RCAN2: variants seen among roughly 807,000 people sequenced by gnomAD.
RCAN2 encodes the protein regulator of calcineurin 2.
In RCAN2, 9 loss-of-function variants were observed where a neutral mutation model predicts 23.6. That is an observed-to-expected ratio of 0.38 (90% CI 0.23 to 0.67). RCAN2 has a LOEUF of 0.67. Ranked by LOEUF, RCAN2 falls within the 30% of genes least tolerant of loss-of-function variation. RCAN2 has a pLI of 0.51. For missense variants in RCAN2, 273 were observed against 302.3 expected, an observed-to-expected ratio of 0.90 and a Z score of 0.72; for synonymous variants, 109 against 115.7, an observed-to-expected ratio of 0.94 and a Z score of 0.37.
chr6:46,339,396 G>T lies in RCAN2; in HGVS notation c.226-90500C>A, dbSNP rs545834535. Among the ~76,000 whole-genome samples, 3 of 152,050 alleles carry T rather than the reference G, an allele frequency of 2.0e-5. No individual in the cohort carries two copies. The South Asian group carries it at 6.2e-4, about 32-fold the overall frequency. On this transcript the variant is annotated intron_variant, in intron 2 of 4. Transcript: ENST00000371374. The stretch of plus-strand genomic sequence containing the variant: ...TTCGCTGGATTTTGAGAGGTAAGTG[G>T]TTTTTTAGTTTTCTAAATGGGCAGC...
intron 2 of RCAN2, among the ~76,000 whole-genome samples, chr6:46,393,672 T>C (rs6458501): frequency 0.5 from 75,967 of 151,940 alleles, 19,667 homozygotes; most frequent in East Asian, 0.61. Flanking sequence ...CTGCTCCTGT[T>C]TCATTTGTTT....
chr6:46,402,087 A>G (rs1766262981), intron 2 of RCAN2, among the ~76,000 whole-genome samples: 1 of 152,236 alleles, frequency 6.6e-6, no homozygotes, highest in Admixed American at 6.5e-5. Flanking sequence ...TGGGAAAATG[A>G]GTAATGTTTC....
chr6:46,415,967 A>G (rs1766704052), intron 2 of RCAN2, among the ~76,000 whole-genome samples: 1 of 152,226 alleles, frequency 6.6e-6, no homozygotes, highest in Non-Finnish European at 1.5e-5. Flanking sequence ...TAGATTACTT[A>G]TAATACTTAG....
chr6:46,421,365 G>A (rs557094767), intron 2 of RCAN2, among the ~76,000 whole-genome samples: 45 of 152,264 alleles, frequency 3.0e-4, no homozygotes, highest in African/African-American at 1.1e-3. Flanking sequence ...ATGACTTTGT[G>A]GCTGACAGCA....
chr6:46,414,136 G>A (rs1395300402), intron 2 of RCAN2, among the ~76,000 whole-genome samples: 1 of 152,086 alleles, frequency 6.6e-6, no homozygotes, highest in East Asian at 1.9e-4. Flanking sequence ...AGGAGACTGA[G>A]GTTCTGTAAA....
At chr6:46,384,710 A>G (rs140722285) in intron 2 of RCAN2, among the ~76,000 whole-genome samples, 153 of 152,364 alleles carry the variant, frequency 1.0e-3, no homozygotes, top group African/African-American at 3.5e-3. Flanking sequence ...AAGAAATGCT[A>G]AAACAGGTCA....
At chr6:46,433,320 A>G (rs1767271487) in intron 2 of RCAN2, among the ~76,000 whole-genome samples, 1 of 152,200 alleles carries the variant, frequency 6.6e-6, no homozygotes, top group African/African-American at 2.4e-5. Flanking sequence ...ACAGAATAAT[A>G]CAATTCACCC....
chr6:46,443,441 C>A (rs1000186953), intron 2 of RCAN2, among the ~76,000 whole-genome samples: 3 of 151,928 alleles, frequency 2.0e-5, no homozygotes, highest in Non-Finnish European at 4.4e-5. Flanking sequence ...TTTATTGTTA[C>A]CTTTTAAAAA....
chr6:46,445,695 A>G (rs1472547483), intron 2 of RCAN2, among the ~76,000 whole-genome samples: 4 of 152,248 alleles, frequency 2.6e-5, no homozygotes, highest in Non-Finnish European at 5.9e-5. Flanking sequence ...TAACAAAATT[A>G]AAGAACAATA....
intron 2 of RCAN2, among the ~76,000 whole-genome samples, chr6:46,272,728 T>A (rs1056969160): frequency 1.3e-5 from 2 of 152,238 alleles, no homozygotes; most frequent in African/African-American, 4.8e-5. Flanking sequence ...AAACAAATGT[T>A]AAAAATAGGA....
intron 2 of RCAN2, among the ~76,000 whole-genome samples, chr6:46,412,007 T>C (rs1766564379): frequency 6.6e-6 from 1 of 152,188 alleles, no homozygotes. Flanking sequence ...GTGAAGAGCC[T>C]GGATTGTAGG....
At chr6:46,450,007 A>C (rs573378772) in intron 2 of RCAN2, among the ~76,000 whole-genome samples, 25 of 152,060 alleles carry the variant, frequency 1.6e-4, no homozygotes, top group African/African-American at 6.0e-4. Context: ...TAAAGGAAAC[A>C]ATCAATGGAG....
chr6:46,262,667 G>C (rs1448095776), intron 2 of RCAN2, among the ~76,000 whole-genome samples: 3 of 151,968 alleles, frequency 2.0e-5, no homozygotes, highest in Non-Finnish European at 4.4e-5. Context: ...TTCTTTAGTG[G>C]CTCCCCACAG....
At chr6:46,265,733 A>G (rs901332349) in intron 2 of RCAN2, among the ~76,000 whole-genome samples, 16 of 152,150 alleles carry the variant, frequency 1.1e-4, no homozygotes, top group African/African-American at 3.6e-4. Context: ...TCATTCCATA[A>G]ATGTGCTTTC....
chr6:46,393,702 T>C (rs967472085), intron 2 of RCAN2, among the ~76,000 whole-genome samples: 1 of 152,142 alleles, frequency 6.6e-6, no homozygotes, highest in Non-Finnish European at 1.5e-5. Flanking sequence ...CCTACTTCTG[T>C]TGCCTGCCTT....
At chr6:46,422,162 G>A (rs1005600997) in intron 2 of RCAN2, among the ~76,000 whole-genome samples, 5 of 152,080 alleles carry the variant, frequency 3.3e-5, no homozygotes, top group African/African-American at 1.2e-4. Context: ...CTGGGTGGTG[G>A]GGATGAGTGA....
At chr6:46,258,874 C>T (rs1335818204) in intron 2 of RCAN2, among the ~76,000 whole-genome samples, 4 of 152,166 alleles carry the variant, frequency 2.6e-5, no homozygotes, top group African/African-American at 9.7e-5. Context: ...CCAAACACCT[C>T]CAATACAAAT....
chr6:46,360,130 T>A (rs1316725743), intron 2 of RCAN2, among the ~76,000 whole-genome samples: 2 of 152,192 alleles, frequency 1.3e-5, no homozygotes, highest in East Asian at 3.9e-4. Flanking sequence ...GGGTGGGGCA[T>A]ATGATTCTGC....
At chr6:46,242,421 C>G (rs988825616) in intron 4 of RCAN2, among the ~76,000 whole-genome samples, 1 of 152,202 alleles carries the variant, frequency 6.6e-6, no homozygotes, top group African/African-American at 2.4e-5. Context: ...TAGCCCGAGT[C>G]CCATCTCACT....
Sources: allele counts gnomAD v4.1 joint callset (sites outside exome capture counted in the v4.1 genomes callset), GRCh38; gene constraint gnomAD v4.1.1; transcripts MANE v1.5; gene names NCBI Gene and HGNC (gene_info 2026-07-23, HGNC 2026-07-21).